Variants in TCF12 observed in about 807,000 individuals in gnomAD.
TCF12 encodes the protein DNA-binding protein HTF4.
Under a neutral mutation model 86.0 loss-of-function variants are expected in TCF12, and 45 were observed. The observed-to-expected ratio is 0.52, with a 90% CI of 0.41 to 0.67. The LOEUF (loss-of-function observed/expected upper bound fraction) is 0.67. Ranked by LOEUF, TCF12 falls within the 30% of genes least tolerant of loss-of-function variation. The probability of loss-of-function intolerance (pLI) is 0.00; values close to 1 mark genes in which losing one functional copy is unlikely to be tolerated. For synonymous variants in TCF12, 330 were observed against 299.6 expected (o/e 1.10, Z -1.05); for missense variants, 881 against 859.9 (o/e 1.02, Z -0.31).
At chr15:56,967,787 C>G (rs1180912542) in intron 3 of TCF12, among the ~76,000 whole-genome samples, 1 of 152,020 alleles carries the variant, frequency 6.6e-6, no homozygotes, top group Non-Finnish European at 1.5e-5. Flanking sequence ...TGCTTTCTAG[C>G]CATTGGAACC....
intron 2 of TCF12, 45 bp from the exon 3 acceptor site, chr15:56,920,981 T>G (rs76588581): frequency 6.7e-7 from 1 of 1,481,870 alleles, no homozygotes; most frequent in African/African-American, 1.4e-5. Flanking sequence ...GCAAGGAATC[T>G]AGAAGAATTT....
chr15:57,282,375 A>G (rs1432794884), intron 19 of TCF12, 70 bp from the exon 20 acceptor site: 122 of 1,583,510 alleles, frequency 7.7e-5, no homozygotes, highest in African/African-American at 1.1e-4. Context: ...AACAACAGCA[A>G]TTTGTTCAGC....
chr15:56,968,527 T>C (rs1334368965), intron 3 of TCF12, among the ~76,000 whole-genome samples: 3 of 152,156 alleles, frequency 2.0e-5, no homozygotes, highest in Admixed American at 1.3e-4. Flanking sequence ...TGGCCTCATA[T>C]CACTTTTATA....
intron 12 of TCF12, among the ~76,000 whole-genome samples, chr15:57,236,905 T>C (rs2059403316): frequency 1.3e-5 from 2 of 152,026 alleles, no homozygotes; most frequent in African/African-American, 4.8e-5. Flanking sequence ...TCGTGCCATT[T>C]CTAATGTGTT....
At chr15:57,084,449 GT>G (rs1215192320) in intron 4 of TCF12, among the ~76,000 whole-genome samples, 1 of 152,130 alleles carries the variant, frequency 6.6e-6, no homozygotes, top group African/African-American at 2.4e-5. Context: ...AATGTACCGG[GT>G]CCTGTGACTT....
chr15:57,072,714 A>G (rs2069509389), intron 4 of TCF12: 1 of 1,305,116 alleles, frequency 7.7e-7, no homozygotes, highest in Non-Finnish European at 1.0e-6. Context: ...AGAGAATTAA[A>G]GTAAGTGTTT....
At chr15:57,255,497 T>C (rs1485138491) in intron 16 of TCF12, among the ~76,000 whole-genome samples, 1 of 152,164 alleles carries the variant, frequency 6.6e-6, no homozygotes, top group African/African-American at 2.4e-5. Context: ...TTTGTTTTGC[T>C]TTTAGAGATG....
intron 8 of TCF12, among the ~76,000 whole-genome samples, chr15:57,213,022 G>T (rs758343528): frequency 3.3e-5 from 5 of 152,216 alleles, no homozygotes; most frequent in Non-Finnish European, 5.9e-5. Context: ...AGAACAAGTA[G>T]CTTAACAAAT....
At chr15:57,108,894 CA>C (rs2050309035) in intron 5 of TCF12, among the ~76,000 whole-genome samples, 3 of 151,992 alleles carry the variant, frequency 2.0e-5, no homozygotes, top group South Asian at 4.1e-4. Flanking sequence ...GTCTGCAAAA[CA>C]AAAACTATAA....
intron 18 of TCF12, among the ~76,000 whole-genome samples, chr15:57,268,829 ACTT>A (rs1421193094): frequency 7.7e-5 from 3 of 38,802 alleles, no homozygotes; most frequent in African/African-American, 1.6e-4. Flanking sequence ...ACCACTGTTT[ACTT>A]CTTTTTTTTT....
At chr15:57,005,078 G>C (rs1349546250) in intron 3 of TCF12, among the ~76,000 whole-genome samples, 1 of 152,108 alleles carries the variant, frequency 6.6e-6, no homozygotes, top group Non-Finnish European at 1.5e-5. Context: ...TATTTTTAAG[G>C]ATAGTCTTTC....
At chr15:57,240,914 G>A (rs1381726617) in intron 12 of TCF12, among the ~76,000 whole-genome samples, 5 of 141,092 alleles carry the variant, frequency 3.5e-5, no homozygotes, top group African/African-American at 5.2e-5. Flanking sequence ...AAGGGAAAAG[G>A]TATGTTGAAA....
intron 5 of TCF12, among the ~76,000 whole-genome samples, chr15:57,160,756 GAT>G (rs577021099): frequency 2.7e-4 from 41 of 152,164 alleles, no homozygotes; most frequent in African/African-American, 9.6e-4. Flanking sequence ...GCAGTGGCAT[GAT>G]CATAGCTCAC....
chr15:57,087,133 A>T (rs1449211127), intron 4 of TCF12, among the ~76,000 whole-genome samples: 1 of 143,252 alleles, frequency 7.0e-6, no homozygotes, highest in Non-Finnish European at 1.5e-5. Flanking sequence ...CCCCCTGCTC[A>T]CCTTGGATAC....
intron 3 of TCF12, among the ~76,000 whole-genome samples, chr15:56,983,657 C>T (rs1225008975): frequency 2.0e-5 from 3 of 151,954 alleles, no homozygotes; most frequent in Non-Finnish European, 2.9e-5. Context: ...GTTTTACCGT[C>T]AAATAAGTTA....
At chr15:57,281,566 C>G (rs984136784) in intron 19 of TCF12, 1 of 152,264 alleles carries the variant, frequency 6.6e-6, no homozygotes, top group East Asian at 1.9e-4. Flanking sequence ...CTGTATTTAC[C>G]GACACTCCCC....
chr15:56,990,149 G>GTTTTTT (rs1229275183), intron 3 of TCF12, among the ~76,000 whole-genome samples: 1 of 58,550 alleles, frequency 1.7e-5, no homozygotes, highest in African/African-American at 9.8e-5. Context: ...GCATAGTCTT[G>GTTTTTT]TCTTTTTTTT....
chr15:56,994,110 G>A (rs2063581975), intron 3 of TCF12, among the ~76,000 whole-genome samples: 2 of 152,114 alleles, frequency 1.3e-5, no homozygotes, highest in African/African-American at 4.8e-5. Flanking sequence ...AAAGACCACT[G>A]GATGGGTCAA....
At chr15:56,990,905 C>T (rs1362571255) in intron 3 of TCF12, among the ~76,000 whole-genome samples, 3 of 151,928 alleles carry the variant, frequency 2.0e-5, no homozygotes, top group African/African-American at 4.8e-5. Flanking sequence ...AGCAATGCTC[C>T]TACCTCAGCC....
Sources: allele counts gnomAD v4.1 joint callset (sites outside exome capture counted in the v4.1 genomes callset), GRCh38; gene constraint gnomAD v4.1.1; transcripts MANE v1.5; gene names NCBI Gene and HGNC (gene_info 2026-07-23, HGNC 2026-07-21).